EXOC4: variants seen among roughly 807,000 people sequenced by gnomAD.
EXOC4 encodes SEC8-like 1.
In EXOC4, 71 loss-of-function variants were observed where a neutral mutation model predicts 107.2. The ratio of observed to expected loss-of-function variants is 0.66; its 90% CI spans 0.55 to 0.81. The LOEUF (loss-of-function observed/expected upper bound fraction) is 0.81, where lower values mean the gene tolerates loss of function less well. Ranked by LOEUF, EXOC4 falls within the 30% of genes least tolerant of loss-of-function variation. The pLI is 0.00. For missense variants in EXOC4, 1,108 were observed against 1,189.6 expected (o/e 0.93, Z 1.01); for synonymous variants, 456 against 441.2 (o/e 1.03, Z -0.42).
At chr7:133,612,246 ATC>A (rs1381414156) in intron 9 of EXOC4, among the ~76,000 whole-genome samples, 1 of 152,206 alleles carries the variant, frequency 6.6e-6, no homozygotes, top group South Asian at 2.1e-4. Context: ...TTCCCTGGTA[ATC>A]TCTCTCACAA....
In EXOC4 at chr7:133,423,550, A is replaced by G. The variant is rs148573708; in HGVS notation, c.1182+48548A>G. On this transcript the variant is annotated intron_variant, in intron 7 of 17. Coordinates refer to ENST00000253861, the MANE Select transcript of EXOC4 (RefSeq NM_021807.4). ...GCTAAATTTTAAGCTCATTGAAAGT[A>G]AGAACCATGTGATTAGCTTATTATT... Among the ~76,000 whole-genome samples, 19 of 152,346 alleles carry G rather than the reference A, an allele frequency of 1.2e-4. No individual in the cohort carries two copies. The East Asian group carries it at 2.5e-3, about 20-fold the overall frequency.
chr7:133,976,954 G>A (rs757049793), intron 14 of EXOC4, among the ~76,000 whole-genome samples: 19 of 152,182 alleles, frequency 1.2e-4, no homozygotes, highest in Non-Finnish European at 2.4e-4. Context: ...AACAAAGAGA[G>A]CTAAGCTTTT....
intron 1 of EXOC4, among the ~76,000 whole-genome samples, chr7:133,264,191 C>T (rs1327901822): frequency 6.6e-6 from 1 of 152,106 alleles, no homozygotes; most frequent in African/African-American, 2.4e-5. Context: ...TAGATAATGA[C>T]CTTTGTTGCC....
intron 9 of EXOC4, among the ~76,000 whole-genome samples, chr7:133,547,701 C>G (rs542766510): frequency 6.6e-6 from 1 of 152,184 alleles, no homozygotes; most frequent in Non-Finnish European, 1.5e-5. Flanking sequence ...CTTTGCTTGA[C>G]TATAAAAACT....
At chr7:133,653,171 G>A (rs1803203380) in intron 10 of EXOC4, among the ~76,000 whole-genome samples, 1 of 152,042 alleles carries the variant, frequency 6.6e-6, no homozygotes, top group South Asian at 2.1e-4. Flanking sequence ...TGGGCCTGGG[G>A]GTGTCTTCAG....
At chr7:133,519,364 A>G (rs970949025) in intron 9 of EXOC4, among the ~76,000 whole-genome samples, 1 of 152,136 alleles carries the variant, frequency 6.6e-6, no homozygotes, top group East Asian at 1.9e-4. Flanking sequence ...TCGAGGCTGC[A>G]GTAAGCTGAG....
intron 7 of EXOC4, among the ~76,000 whole-genome samples, chr7:133,418,195 A>T (rs1021154096): frequency 5.3e-5 from 8 of 152,212 alleles, no homozygotes; most frequent in African/African-American, 1.9e-4. Flanking sequence ...TATAGGCTAC[A>T]ATCTTGGAGA....
At chr7:133,959,424 T>A (rs1800890003) in intron 14 of EXOC4, among the ~76,000 whole-genome samples, 1 of 149,164 alleles carries the variant, frequency 6.7e-6, no homozygotes, top group African/African-American at 2.5e-5. Flanking sequence ...AAGATAGAAC[T>A]GAAGAAATAT....
chr7:134,028,261 T>G (rs922671273), intron 17 of EXOC4, among the ~76,000 whole-genome samples: 1 of 152,254 alleles, frequency 6.6e-6, no homozygotes, highest in Admixed American at 6.5e-5. Flanking sequence ...TCTGTTCACA[T>G]ACTCAAGTCC....
At chr7:134,044,907 C>A (rs1404002469) in intron 17 of EXOC4, among the ~76,000 whole-genome samples, 1 of 152,190 alleles carries the variant, frequency 6.6e-6, no homozygotes, top group African/African-American at 2.4e-5. Context: ...CCTAACTCAG[C>A]AGTTTTCCTG....
intron 7 of EXOC4, among the ~76,000 whole-genome samples, chr7:133,434,634 T>C (rs1378820032): frequency 6.6e-6 from 1 of 152,140 alleles, no homozygotes; most frequent in African/African-American, 2.4e-5. Context: ...AACTTTTAAT[T>C]TGGTGCAGAA....
intron 5 of EXOC4, among the ~76,000 whole-genome samples, chr7:133,327,263 C>T (rs1227225540): frequency 6.6e-6 from 1 of 152,238 alleles, no homozygotes; most frequent in Non-Finnish European, 1.5e-5. Flanking sequence ...CCCAGTACCT[C>T]AGTTGGAAAT....
At chr7:133,932,881 T>A (rs1261297894) in intron 13 of EXOC4, among the ~76,000 whole-genome samples, 1 of 150,754 alleles carries the variant, frequency 6.6e-6, no homozygotes, top group African/African-American at 2.5e-5. Flanking sequence ...CAATAGGAAG[T>A]GGTGATGAAA....
chr7:133,356,966 C>G (rs1021891826), intron 6 of EXOC4, among the ~76,000 whole-genome samples: 1 of 152,114 alleles, frequency 6.6e-6, no homozygotes, highest in South Asian at 2.1e-4. Context: ...GGTGACAGAG[C>G]GAGACTCCGT....
chr7:133,873,052 A>G lies in EXOC4; in HGVS notation c.1735-22547A>G, dbSNP rs148784026. On this transcript the variant is annotated intron_variant, in intron 11 of 17. Coordinates refer to ENST00000253861, the MANE Select transcript of EXOC4 (RefSeq NM_021807.4). ...CAGTTGGGCACAGTGGCTCACGCCT[A>G]TGATCCCAGCATTTTGGAGGGCCCA... is the stretch of plus-strand genomic sequence containing the variant. 1.4e-3 allele frequency among the ~76,000 whole-genome samples: 213 copies of G among 152,308 alleles called. 1 individual carries two copies. The highest frequency in any genetic ancestry group is 4.9e-3 in the African/African-American group (203 of 41,578).
chr7:133,287,109 T>A (rs2150543548), intron 2 of EXOC4, among the ~76,000 whole-genome samples: 1 of 152,348 alleles, frequency 6.6e-6, no homozygotes, highest in African/African-American at 2.4e-5. Flanking sequence ...ACTGTCCATC[T>A]TCTTGCTAGC....
Position 133,408,852 on chromosome 7 carries a change from C to T in EXOC4, c.1182+33850C>T, listed in dbSNP as rs1584893894. ...ACACCTGTATTCTGGTACTGTGGGA[C>T]TAGTATAAGATGGTCAAACTGCTAT... is the stretch of plus-strand genomic sequence containing the variant. On this transcript the variant is annotated intron_variant, in intron 7 of 17. Transcript: ENST00000253861. 1.3e-5 allele frequency among the ~76,000 whole-genome samples: 2 copies of T among 152,260 alleles called. 1 individual carries two copies. Among genetic ancestry groups the T allele is most frequent in the Middle Eastern group, 6.8e-3 (2 of 294 alleles).
chr7:133,700,384 T>C (rs1459100045), intron 10 of EXOC4, among the ~76,000 whole-genome samples: 1 of 152,216 alleles, frequency 6.6e-6, no homozygotes, highest in Non-Finnish European at 1.5e-5. Context: ...TCAAGTTCTT[T>C]ATATCAAAGT....
chr7:133,559,577 A>T (rs548810050), intron 9 of EXOC4, among the ~76,000 whole-genome samples: 58 of 152,234 alleles, frequency 3.8e-4, no homozygotes, highest in African/African-American at 1.3e-3. Context: ...GTTGTAAAGG[A>T]CTCAGCTTAA....
Sources: gnomAD v4.1 joint callset for allele counts (sites outside exome capture counted in the v4.1 genomes callset) on GRCh38, gnomAD v4.1.1 for gene constraint, MANE v1.5 for transcripts, NCBI Gene and HGNC (gene_info 2026-07-23, HGNC 2026-07-21) for gene names.